The following TMEM132B variants were observed in gnomAD, a reference collection of about 807,000 sequenced individuals.
The protein encoded by TMEM132B is transmembrane protein 132B.
TMEM132B carries 18 observed loss-of-function variants against 90.8 expected under a neutral mutation model. The ratio of observed to expected loss-of-function variants is 0.20; its 90% confidence interval spans 0.14 to 0.29. TMEM132B has a LOEUF of 0.29. Ranked by LOEUF, TMEM132B falls within the 10% of genes least tolerant of loss-of-function variation. TMEM132B has a pLI of 1.00. For missense variants in TMEM132B, 1,096 were observed against 1,326.8 expected (o/e 0.83, Z 2.70); for synonymous variants, 504 against 523.3 (o/e 0.96, Z 0.50).
chr12:125,574,160 C>T lies in TMEM132B; in HGVS notation c.1294-9691C>T, dbSNP rs192439326. ...GATACCCATAGGTGGAGTTACTGAG[C>T]AGTCAGTTTTTTTTTTTTTAAATCA... On this transcript the variant is annotated intron_variant, in intron 4 of 8. Coordinates refer to ENST00000682704, the MANE Select transcript of TMEM132B (RefSeq NM_001366854.1). Among the ~76,000 whole-genome samples the T allele has an allele frequency of 2.0e-5, 3 of 148,904 alleles. No individual in the cohort carries two copies. The East Asian group carries it at 6.6e-4, about 33-fold the overall frequency.
chr12:125,348,941 C>T (rs960485141), intron 1 of TMEM132B, among the ~76,000 whole-genome samples: 24 of 152,244 alleles, frequency 1.6e-4, no homozygotes, highest in Admixed American at 1.0e-3. Flanking sequence ...GAAAGCTGAG[C>T]GGTAGCTTCA....
At chr12:125,513,355 C>T (rs111452411) in intron 3 of TMEM132B, among the ~76,000 whole-genome samples, 10 of 152,038 alleles carry the variant, frequency 6.6e-5, no homozygotes, top group Admixed American at 4.6e-4. Flanking sequence ...TGCGTGTGTG[C>T]GTGTGAGAGA....
chr12:125,301,329 G>A (rs960928641), intron 1 of TMEM132B: 1 of 152,156 alleles, frequency 6.6e-6, no homozygotes, highest in Non-Finnish European at 1.5e-5. Flanking sequence ...AAAGTGGCGG[G>A]GTCTATTTCT....
At position 125,407,954 on chromosome 12, in the gene TMEM132B, C is replaced by T. The variant is rs991716005; in HGVS notation, c.960-7577C>T. Among the ~76,000 whole-genome samples, 1 of 152,348 alleles carries T rather than the reference C, an allele frequency of 6.6e-6. No individual in the cohort carries two copies. The highest frequency in any genetic ancestry group is 3.4e-3 in the Middle Eastern group (1 of 294). Reference sequence around the variant, plus strand: ...GCGAGCACAGACTGATGAGTTCTCACAACCACCAAGTAATCGGCATGCAGA... The same window carrying T: ...GCGAGCACAGACTGATGAGTTCTCATAACCACCAAGTAATCGGCATGCAGA... On this transcript the variant is annotated intron_variant, in intron 2 of 8. Transcript: ENST00000682704. This position sits in a 1 kb window ranked among gnomAD's most constrained non-coding sequence, Gnocchi z 6.7.
chr12:125,653,864 A>T lies in TMEM132B; in HGVS notation c.2406A>T (p.Gln802His). Reference protein sequence around the residue: ...VKFEPSSDEHQGGSNDIEGIN... With the variant: ...VKFEPSSDEHHGGSNDIEGIN... ...TCGAACCAAGTAGTGATGAGCACCAAGGAGGCAGCAATGATATTGAGGGCA... is the reference window on the plus strand; with the variant it reads ...TCGAACCAAGTAGTGATGAGCACCATGGAGGCAGCAATGATATTGAGGGCA... Residue 802 changes from glutamine to histidine, a missense_variant, in exon 9 of 9, where the codon CAA (glutamine) becomes CAT (histidine). Coordinates refer to ENST00000682704, the MANE Select transcript of TMEM132B (RefSeq NM_001366854.1). 6.2e-7 allele frequency: 1 copy of T among 1,614,206 alleles called. No individual in the cohort carries two copies. Among genetic ancestry groups the T allele is most frequent in the South Asian group, 1.1e-5 (1 of 91,074 alleles).
At chr12:125,600,948 G>T (rs1256569833) in intron 5 of TMEM132B, among the ~76,000 whole-genome samples, 3 of 152,110 alleles carry the variant, frequency 2.0e-5, no homozygotes, top group Admixed American at 6.5e-5. Flanking sequence ...CCCAATACAG[G>T]AGCACCCAGA....
At chr12:125,236,608 G>A (rs1459774208) in intron 1 of TMEM132B, among the ~76,000 whole-genome samples, 4 of 152,080 alleles carry the variant, frequency 2.6e-5, no homozygotes, top group Non-Finnish European at 4.4e-5. Context: ...GTCTGTATAC[G>A]GTGCTACCTT....
chr12:125,556,580 C>A (rs145410102), intron 4 of TMEM132B, among the ~76,000 whole-genome samples: 1 of 152,124 alleles, frequency 6.6e-6, no homozygotes, highest in Non-Finnish European at 1.5e-5. Flanking sequence ...AAACCAGTTC[C>A]GTATGAATAA....
chr12:125,518,698 C>T (rs543959590), intron 3 of TMEM132B, among the ~76,000 whole-genome samples: 3 of 152,214 alleles, frequency 2.0e-5, no homozygotes, highest in Non-Finnish European at 4.4e-5. Flanking sequence ...TCACACTAGT[C>T]TTTTTCAGTT....
At chr12:125,530,008 C>T (rs900364892) in intron 4 of TMEM132B, among the ~76,000 whole-genome samples, 7 of 152,090 alleles carry the variant, frequency 4.6e-5, no homozygotes, top group African/African-American at 9.7e-5. Flanking sequence ...CAGCCTGGGC[C>T]GCAGAGCGAG....
At chr12:125,494,980 C>G (rs1882507488) in intron 3 of TMEM132B, among the ~76,000 whole-genome samples, 1 of 130,558 alleles carries the variant, frequency 7.7e-6, no homozygotes, top group Non-Finnish European at 1.6e-5. Context: ...TCCCCCTCCT[C>G]CCTGGAAATG....
chr12:125,549,797 A>C (rs1416781522), intron 4 of TMEM132B, among the ~76,000 whole-genome samples: 1 of 152,208 alleles, frequency 6.6e-6, no homozygotes, highest in African/African-American at 2.4e-5. Flanking sequence ...CACCGATCAC[A>C]GATTTTGAAC....
intron 5 of TMEM132B, chr12:125,585,038 GTT>G (rs946957561): frequency 6.6e-6 from 1 of 152,196 alleles, no homozygotes; most frequent in African/African-American, 2.4e-5. Context: ...ACCTTTAGGG[GTT>G]TCCCTATAGT....
At chr12:125,285,592 C>G (rs1875327167) in intron 1 of TMEM132B, among the ~76,000 whole-genome samples, 1 of 152,152 alleles carries the variant, frequency 6.6e-6, no homozygotes, top group Non-Finnish European at 1.5e-5. Context: ...AATTTCTTTC[C>G]CAAAGTGAGT....
chr12:125,538,039 G>A (rs1205135950), intron 4 of TMEM132B, among the ~76,000 whole-genome samples: 3 of 152,158 alleles, frequency 2.0e-5, no homozygotes, highest in Non-Finnish European at 2.9e-5. Context: ...TCCTATTGGC[G>A]TCAGCATTGC....
chr12:125,642,108 C>G (rs1274686398), intron 5 of TMEM132B, among the ~76,000 whole-genome samples: 1 of 152,196 alleles, frequency 6.6e-6, no homozygotes, highest in East Asian at 1.9e-4. Flanking sequence ...ACTGAGCCTT[C>G]ACCTTCTCCT....
At chr12:125,494,124 C>T (rs1342621090) in intron 3 of TMEM132B, among the ~76,000 whole-genome samples, 1 of 132,392 alleles carries the variant, frequency 7.6e-6, no homozygotes, top group Non-Finnish European at 1.6e-5. Flanking sequence ...TCCCCCTCCT[C>T]CCTGGAAATG....
intron 1 of TMEM132B, among the ~76,000 whole-genome samples, chr12:125,279,743 A>T (rs1208820014): frequency 1.3e-5 from 2 of 152,198 alleles, no homozygotes; most frequent in Non-Finnish European, 2.9e-5. Context: ...GCTGAGCTCC[A>T]TGAGATCTTC....
chr12:125,306,498 T>G (rs1875973318), intron 1 of TMEM132B, among the ~76,000 whole-genome samples: 1 of 152,196 alleles, frequency 6.6e-6, no homozygotes, highest in African/African-American at 2.4e-5. Flanking sequence ...TCCCACAGCC[T>G]TCCCTACTGC....
Sources: gnomAD v4.1 joint callset for allele counts (sites outside exome capture counted in the v4.1 genomes callset) on GRCh38, gnomAD v4.1.1 for gene constraint, Gnocchi (gnomAD v3.1) non-coding constraint, MANE v1.5 for transcripts, NCBI Gene and HGNC (gene_info 2026-07-23, HGNC 2026-07-21) for gene names.